Variants in FOXJ1 observed in about 807,000 individuals in gnomAD.
The protein encoded by FOXJ1 is forkhead box protein J1.
FOXJ1 carries 8 observed loss-of-function variants against 29.3 expected under a neutral mutation model. That is an observed-to-expected ratio of 0.27 (90% CI 0.16 to 0.49). The LOEUF (loss-of-function observed/expected upper bound fraction) is 0.49, where lower values mean the gene tolerates loss of function less well. Among genes scored for constraint, FOXJ1 ranks in the 20% least tolerant of loss-of-function variants. FOXJ1 has a pLI of 0.98. For synonymous variants in FOXJ1, 280 were observed against 278.7 expected (o/e 1.00, Z -0.05); for missense variants, 539 against 595.5 (o/e 0.91, Z 0.99).
rs1035596350 is a variant in FOXJ1, at chr17:76,137,035, C to T, written c.*318G>A. 7.3e-6 allele frequency: 2 copies of T among 275,450 alleles called. No individual in the cohort carries two copies. The highest frequency in any genetic ancestry group is 6.7e-6 in the Non-Finnish European group (1 of 148,298). 17.1% of individuals were successfully genotyped at this position (275,450 alleles called of 1,614,324 possible). ...TTCCTCCCCAGCCTGACCCGGGCTC[C>T]TCCAGGCCTCGGCTCTCATGGTGCA... On this transcript the variant is annotated 3_prime_UTR_variant, in exon 3 of 3. Transcript: ENST00000322957. This position sits in a 1 kb window ranked among gnomAD's most constrained non-coding sequence, Gnocchi z 9.5.
chr17:76,138,385 G>A (rs564837934), intron 2 of FOXJ1, among the ~76,000 whole-genome samples: 26 of 152,254 alleles, frequency 1.7e-4, no homozygotes, highest in African/African-American at 6.3e-4. Context: ...CTGAGCCGCA[G>A]GGTGGCTCTC....
At position 76,137,523 on chromosome 17, in the gene FOXJ1, C is replaced by T. The variant is rs939411767; in HGVS notation, c.1096G>A (p.Ala366Thr). 2 of 1,591,090 alleles carry T rather than the reference C, an allele frequency of 1.3e-6. No homozygotes were observed. The highest frequency in any genetic ancestry group is 1.7e-6 in the Non-Finnish European group (2 of 1,169,256). The change falls in exon 3 of 3, where the codon GCT becomes ACT. Residue 366 changes from alanine (A) to threonine (T), a missense_variant. Transcript: ENST00000322957. The surrounding 1 kb of genome is among the most constrained non-coding windows in gnomAD (Gnocchi z 9.5). ...PATWGPSVEQ[A>T]ADSLDFDETF... ...TCATCGAAGTCCAGGCTGTCGGCAG[C>T]CTGCTCCACCGAAGGCCCCCAGGTG...
chr17:76,138,543 G>C lies in FOXJ1; in HGVS notation c.499-423C>G, dbSNP rs569617890. On this transcript the variant is annotated intron_variant, in intron 2 of 2. Coordinates refer to ENST00000322957, the MANE Select transcript of FOXJ1 (RefSeq NM_001454.4). ...TCTGTGAGTGAGTGGGTCCAGGGAG[G>C]GGGCTGGGCAGCCGAGAGTGGAGAG... Among the ~76,000 whole-genome samples the C allele has an allele frequency of 2.7e-4, 41 of 152,272 alleles. No individual in the cohort carries two copies. In the East Asian group the frequency reaches 4.6e-3, roughly 17 times the overall value.
At position 76,138,589 on chromosome 17, in the gene FOXJ1, A is replaced by AGC. The variant is rs141936381; in HGVS notation, c.499-471_499-470dup. Among the ~76,000 whole-genome samples, 340 of 151,246 alleles carry AGC rather than the reference A, an allele frequency of 2.2e-3. 4 individuals carry two copies. Among genetic ancestry groups the AGC allele is most frequent in the African/African-American group, 7.3e-3 (300 of 41,154 alleles). ...GAGAGGAAGGGGGAGAGAGAGAGAGAGCGCGCAGGGATGAGAGGTGGGGGA... is the reference window on the plus strand; with the variant it reads ...GAGAGGAAGGGGGAGAGAGAGAGAGAGCGCGCGCAGGGATGAGAGGTGGGGGA... On this transcript the variant is annotated intron_variant, in intron 2 of 2. Transcript: ENST00000322957.
In FOXJ1 at chr17:76,139,890, T is replaced by C; in HGVS notation, c.498+8A>G. Reference sequence around the variant, plus strand: ...GGAGGGAGCGGCCGCCGCCCGTGCCTCCTCTACCTGCCAGGTGGGATCTGC... The same window carrying C: ...GGAGGGAGCGGCCGCCGCCCGTGCCCCCTCTACCTGCCAGGTGGGATCTGC... On this transcript the variant is annotated splice_region_variant and intron_variant, in intron 2 of 2. Coordinates refer to ENST00000322957, the MANE Select transcript of FOXJ1 (RefSeq NM_001454.4). The surrounding 1 kb of genome is among the most constrained non-coding windows in gnomAD (Gnocchi z 6.6). 1 of 1,580,702 alleles carries C rather than the reference T, an allele frequency of 6.3e-7. No individual in the cohort carries two copies. The highest frequency in any genetic ancestry group is 8.6e-7 in the Non-Finnish European group (1 of 1,164,736).
In FOXJ1 at chr17:76,139,617, T is replaced by C. The variant is rs2068502087; in HGVS notation, c.498+281A>G. The stretch of plus-strand genomic sequence containing the variant: ...CAGAGTCTAGCCCTGGTCTTTGGCC[T>C]GGGCCTGCTGGATGAATGGCAGGTT... On this transcript the variant is annotated intron_variant, in intron 2 of 2. Coordinates refer to ENST00000322957, the MANE Select transcript of FOXJ1 (RefSeq NM_001454.4). This position sits in a 1 kb window ranked among gnomAD's most constrained non-coding sequence, Gnocchi z 6.6. Among the ~76,000 whole-genome samples, 1 of 152,224 alleles carries C rather than the reference T, an allele frequency of 6.6e-6. No individual in the cohort carries two copies. The highest frequency in any genetic ancestry group is 1.5e-5 in the Non-Finnish European group (1 of 68,038).
In FOXJ1 at chr17:76,137,588, A is replaced by G; in HGVS notation, c.1031T>C (p.Val344Ala). ...GTGGCGGCCGTGGATGGTGAGGTCC[A>G]CGTCCACGTGTGAGGCGGGGCTCAG... The part of the protein sequence containing the change: ...PPLSPASHVD[V>A]DLTIHGRHID... The change falls in exon 3 of 3, where the codon GTG (valine) becomes GCG (alanine). Residue 344 changes from valine (V) to alanine (A), a missense_variant. Physicochemically the swap from Val to Ala is moderately conservative, Grantham distance 64. Around this residue, in one of 3 missense-constraint regions of FOXJ1, gnomAD observed 302 missense variants for 293.6 expected, o/e 1.03. Coordinates refer to ENST00000322957, the MANE Select transcript of FOXJ1 (RefSeq NM_001454.4). The surrounding 1 kb of genome is among the most constrained non-coding windows in gnomAD (Gnocchi z 9.5). 6.2e-7 allele frequency: 1 copy of G among 1,600,986 alleles called. No homozygotes were observed. The highest frequency in any genetic ancestry group is 1.1e-5 in the South Asian group (1 of 89,646).
rs200766607 is a variant in FOXJ1, at chr17:76,140,061, A to T, written c.335T>A (p.Val112Glu). The T allele has an allele frequency of 3.4e-5, 54 of 1,608,400 alleles. No individual in the cohort carries two copies. The highest frequency in any genetic ancestry group is 4.3e-5 in the Non-Finnish European group (51 of 1,179,814). ...PGLQAPPPDD[V>E]DYATNPHVKP... ...CACGTGCGGATTGGTGGCGTAGTCC[A>T]CGTCGTCGGGGGGTGGGGCCTGCAG... is the stretch of plus-strand genomic sequence containing the variant. The change falls in exon 2 of 3, where the codon GTG (valine) becomes GAG (glutamate). Residue 112 changes from valine (V) to glutamate (E), a missense_variant. Physicochemically the swap from Val to Glu is moderately radical, Grantham distance 121 (BLOSUM62 -2). Coordinates refer to ENST00000322957, the MANE Select transcript of FOXJ1 (RefSeq NM_001454.4). This position sits in a 1 kb window ranked among gnomAD's most constrained non-coding sequence, Gnocchi z 8.0.
In FOXJ1 at chr17:76,137,877, GGGCCTCGGTATTCACCGTCAGCGGCCC is replaced by G. The variant is rs1209882303; in HGVS notation, c.715_741del (p.Gly239_Ala247del). On this transcript the variant is annotated inframe_deletion, in exon 3 of 3. Transcript: ENST00000322957. This position sits in a 1 kb window ranked among gnomAD's most constrained non-coding sequence, Gnocchi z 9.5. ...TCCTCGAACTCCCGCAGCAGCTGCTGGGCCTCGGTATTCACCGTCAGCGGCCCGGCCCGGGGGACAGCGCTGGGCTCC... is the reference window on the plus strand; with the variant it reads ...TCCTCGAACTCCCGCAGCAGCTGCTGGGCCCGGGGGACAGCGCTGGGCTCC... 5.7e-6 allele frequency: 9 copies of G among 1,581,782 alleles called. No individual in the cohort carries two copies. Among genetic ancestry groups the G allele is most frequent in the Non-Finnish European group, 7.7e-6 (9 of 1,163,890 alleles).
chr17:76,140,878 C>CG lies in FOXJ1; in HGVS notation c.-170+235dup, dbSNP rs1486744516. Reference sequence around the variant, plus strand: ...AAGTGGGGCGAGAAGTTTGGGAGGGCGGTACGACGGGGCGGGGGCGGTGGA... The same window carrying CG: ...AAGTGGGGCGAGAAGTTTGGGAGGGCGGGTACGACGGGGCGGGGGCGGTGGA... On this transcript the variant is annotated intron_variant, in intron 1 of 2. Coordinates refer to ENST00000322957, the MANE Select transcript of FOXJ1 (RefSeq NM_001454.4). The surrounding 1 kb of genome is among the most constrained non-coding windows in gnomAD (Gnocchi z 8.0). 1.3e-5 allele frequency among the ~76,000 whole-genome samples: 2 copies of CG among 150,486 alleles called. No homozygotes were observed. Among genetic ancestry groups the CG allele is most frequent in the African/African-American group, 4.9e-5 (2 of 41,058 alleles).
Position 76,137,460 on chromosome 17 carries a change from C to T in FOXJ1, c.1159G>A (p.Asp387Asn). 6.4e-7 allele frequency: 1 copy of T among 1,562,732 alleles called. No homozygotes were observed. Among genetic ancestry groups the T allele is most frequent in the Non-Finnish European group, 8.6e-7 (1 of 1,156,428 alleles). The change falls in exon 3 of 3, where the codon GAC (aspartate) becomes AAC (asparagine). Residue 387 changes from aspartate to asparagine, a missense_variant. Physicochemically the swap from Asp to Asn is conservative, Grantham distance 23. This residue lies in a region of FOXJ1 where 302 missense variants were observed against 293.6 expected (regional missense o/e 1.03). Coordinates refer to ENST00000322957, the MANE Select transcript of FOXJ1 (RefSeq NM_001454.4). The surrounding 1 kb of genome is among the most constrained non-coding windows in gnomAD (Gnocchi z 9.5). Reference protein sequence around the residue: ...LATSFLQHPWDESGSGCLPPE... With the variant: ...LATSFLQHPWNESGSGCLPPE... ...GGCAGGCAGCCACTGCCGCTCTCGTCCCAGGGGTGCTGCAGGAAGGATGTG... is the reference window on the plus strand; with the variant it reads ...GGCAGGCAGCCACTGCCGCTCTCGTTCCAGGGGTGCTGCAGGAAGGATGTG...
At position 76,139,250 on chromosome 17, in the gene FOXJ1, C is replaced by T. The variant is rs1048980630; in HGVS notation, c.498+648G>A. Among the ~76,000 whole-genome samples the T allele has an allele frequency of 2.0e-5, 3 of 152,172 alleles. No individual in the cohort carries two copies. Among genetic ancestry groups the T allele is most frequent in the Non-Finnish European group, 2.9e-5 (2 of 68,020 alleles). ...CACCTGGCTCAGGTAATTGTCCCCC[C>T]AGGGAGGTTGGCTGACAGCGGGGGT... On this transcript the variant is annotated intron_variant, in intron 2 of 2. Coordinates refer to ENST00000322957, the MANE Select transcript of FOXJ1 (RefSeq NM_001454.4). This position sits in a 1 kb window ranked among gnomAD's most constrained non-coding sequence, Gnocchi z 6.6.
At position 76,140,606 on chromosome 17, in the gene FOXJ1, G is replaced by T. The variant is rs965924580; in HGVS notation, c.-169-42C>A. ...GGGAGCTGAGCACTACCCCACCCCC[G>T]AGGGGACAGTGTGTGTACGGGGACG... On this transcript the variant is annotated intron_variant, in intron 1 of 2. Coordinates refer to ENST00000322957, the MANE Select transcript of FOXJ1 (RefSeq NM_001454.4). This position sits in a 1 kb window ranked among gnomAD's most constrained non-coding sequence, Gnocchi z 8.0. The T allele has an allele frequency of 5.9e-6, 3 of 505,830 alleles. No individual in the cohort carries two copies. In the Admixed American group the frequency reaches 1.3e-4, roughly 21 times the overall value. The allele number at this position is 505,830 out of a possible 1,614,324, so 31.3% of individuals were successfully genotyped here.
Position 76,137,653 on chromosome 17 carries a change from C to A in FOXJ1, c.966G>T (p.Gly322=), listed in dbSNP as rs748017781. 1 of 1,609,938 alleles carries A rather than the reference C, an allele frequency of 6.2e-7. No individual in the cohort carries two copies. The highest frequency in any genetic ancestry group is 8.5e-7 in the Non-Finnish European group (1 of 1,178,674). ...CCAGGGCCTCCAGTGCACCCAGCTC[C>A]CCGCCCAGAGTGCCGGCGTCGAAGA... ...EAIFDAGTLG[G]ELGALEALEL... Residue 322 remains glycine (G), a synonymous_variant, in exon 3 of 3, where the codon GGG becomes GGT. Transcript: ENST00000322957. The surrounding 1 kb of genome is among the most constrained non-coding windows in gnomAD (Gnocchi z 9.5).
In FOXJ1 at chr17:76,137,009, G is replaced by C. The variant is rs533682068; in HGVS notation, c.*344C>G. The C allele has an allele frequency of 3.3e-5, 8 of 240,220 alleles. No homozygotes were observed. Among genetic ancestry groups the C allele is most frequent in the Non-Finnish European group, 5.6e-5 (7 of 125,964 alleles). 14.9% of individuals were successfully genotyped at this position (240,220 alleles called of 1,614,324 possible). On this transcript the variant is annotated 3_prime_UTR_variant, in exon 3 of 3. Transcript: ENST00000322957. The surrounding 1 kb of genome is among the most constrained non-coding windows in gnomAD (Gnocchi z 9.5). The stretch of plus-strand genomic sequence containing the variant: ...AGGTGCTCTGGGAGGGCCCAGTTCT[G>C]TTCCTCCCCAGCCTGACCCGGGCTC...
chr17:76,138,396 G>A (rs1236934498), intron 2 of FOXJ1, among the ~76,000 whole-genome samples: 1 of 152,100 alleles, frequency 6.6e-6, no homozygotes, highest in Non-Finnish European at 1.5e-5. Flanking sequence ...GGTGGCTCTC[G>A]GTGCCACCCC....
Position 76,140,365 on chromosome 17 carries a change from C to A in FOXJ1, c.31G>T (p.Ala11Ser). 6.7e-7 allele frequency: 1 copy of A among 1,491,980 alleles called. No homozygotes were observed. The allele number at this position is 1,491,980 out of a possible 1,614,324, so 92.4% of individuals were successfully genotyped here. The change falls in exon 2 of 3, where the codon GCC becomes TCC. Residue 11 changes from alanine to serine, a missense_variant. By Grantham distance (99) the Ala-to-Ser change is moderately conservative. Around this residue, in one of 3 missense-constraint regions of FOXJ1, gnomAD observed 59 missense variants for 47.5 expected, o/e 1.24. Transcript: ENST00000322957. This position sits in a 1 kb window ranked among gnomAD's most constrained non-coding sequence, Gnocchi z 8.0. MAESWLRLSG[A>S]GPAEEAGPEG... is the part of the protein sequence containing the mutation. ...GGCCCGGCCTCCTCCGCCGGCCCGG[C>A]TCCCGAGAGGCGCAGCCAGCTCTCC...
At position 76,137,452 on chromosome 17, in the gene FOXJ1, G is replaced by T; in HGVS notation, c.1167C>A (p.Ser389Arg). The change falls in exon 3 of 3, where the codon AGC becomes AGA. Residue 389 changes from serine (S) to arginine (R), a missense_variant. Physicochemically the swap from Ser to Arg is moderately radical, Grantham distance 110. This residue lies in a region of FOXJ1 where 302 missense variants were observed against 293.6 expected (regional missense o/e 1.03). Coordinates refer to ENST00000322957, the MANE Select transcript of FOXJ1 (RefSeq NM_001454.4). The surrounding 1 kb of genome is among the most constrained non-coding windows in gnomAD (Gnocchi z 9.5). ...TSFLQHPWDESGSGCLPPEPL... is the reference protein window; with the variant it reads ...TSFLQHPWDERGSGCLPPEPL... ...GCTCCGGGGGCAGGCAGCCACTGCC[G>T]CTCTCGTCCCAGGGGTGCTGCAGGA... The T allele has an allele frequency of 1.3e-6, 2 of 1,556,182 alleles. No individual in the cohort carries two copies. The highest frequency in any genetic ancestry group is 2.4e-5 in the East Asian group (1 of 41,954).
Position 76,140,149 on chromosome 17 carries a change from C to T in FOXJ1, c.247G>A (p.Gly83Arg). 6.5e-7 allele frequency: 1 copy of T among 1,543,144 alleles called. No individual in the cohort carries two copies. The highest frequency in any genetic ancestry group is 8.7e-7 in the Non-Finnish European group (1 of 1,153,842). ...SPLAADPACL[G>R]QPHTPGKPTS... ...GGCTTGCCCGGCGTGTGTGGCTGCC[C>T]CAGGCAGGCGGGGTCGGCCGCCAGG... Residue 83 changes from glycine (G) to arginine (R), a missense_variant, in exon 2 of 3, where the codon GGG becomes AGG. Transcript: ENST00000322957. This position sits in a 1 kb window ranked among gnomAD's most constrained non-coding sequence, Gnocchi z 8.0.
Sources: gnomAD v4.1 joint callset for allele counts (sites outside exome capture counted in the v4.1 genomes callset) on GRCh38, gnomAD v4.1.1 for gene constraint, gnomAD v4.1.1 regional missense constraint, Gnocchi (gnomAD v3.1) non-coding constraint, MANE v1.5 for transcripts, NCBI Gene and HGNC (gene_info 2026-07-23, HGNC 2026-07-21) for gene names.